Variants in BPIFB1 observed in about 807,000 individuals in gnomAD.
BPIFB1 encodes the protein BPI fold containing family B member 1, also known as BPI fold-containing family B member 1.
Under a neutral mutation model 55.1 loss-of-function variants are expected in BPIFB1, and 34 were observed. The observed-to-expected ratio is 0.62, with a 90% CI of 0.47 to 0.82. The LOEUF is 0.82. BPIFB1 is among the 40% of genes least tolerant of loss of function. The probability of loss-of-function intolerance (pLI) is 0.00; values close to 1 mark genes in which losing one functional copy is unlikely to be tolerated. For missense variants in BPIFB1, 532 were observed against 593.1 expected, an observed-to-expected ratio of 0.90 and a Z score of 1.07; for synonymous variants, 236 against 245.3, an observed-to-expected ratio of 0.96 and a Z score of 0.35.
At chr20:33,297,798 C>T in intron 7 of BPIFB1, 1 of 607,298 alleles carries the variant, frequency 1.6e-6, no homozygotes, top group Non-Finnish European at 3.0e-6. Context: ...ACTATTTGTG[C>T]AGTTGTCAGG....
intron 4 of BPIFB1, 71 bp from the exon 5 acceptor site, chr20:33,290,886 A>G: frequency 6.5e-7 from 1 of 1,544,954 alleles, no homozygotes; most frequent in Middle Eastern, 1.9e-4. Flanking sequence ...TGGAAGACAG[A>G]GACGGACGGC....
intron 6 of BPIFB1, among the ~76,000 whole-genome samples, chr20:33,295,488 C>T (rs190150286): frequency 6.6e-6 from 1 of 151,718 alleles, no homozygotes; most frequent in Non-Finnish European, 1.5e-5. Context: ...CGCCTGTAAT[C>T]CCAGTTACTC....
rs1378339322 is a variant in BPIFB1 at position 33,291,973 on chromosome 20, T to C, written c.582T>C (p.Asn194=). 2 of 1,614,098 alleles carry C rather than the reference T, an allele frequency of 1.2e-6. No homozygotes were observed. Among genetic ancestry groups the C allele is most frequent in the African/African-American group, 1.3e-5 (1 of 74,944 alleles). ...ACCTCCTAGTGCCATCCCTGCCCAA[T>C]CTAGTGAAAAACCAGGTGAGTGGAA... is the stretch of plus-strand genomic sequence containing the variant. ...VMNLLVPSLP[N]LVKNQLCPVI... is the part of the protein sequence containing the mutation. Residue 194 remains asparagine, a synonymous_variant, in exon 6 of 16, where the codon AAT becomes AAC. Coordinates refer to ENST00000253354, the MANE Select transcript of BPIFB1 (RefSeq NM_033197.3).
chr20:33,287,381 T>C (rs191959806), intron 2 of BPIFB1, among the ~76,000 whole-genome samples: 26 of 152,326 alleles, frequency 1.7e-4, no homozygotes, highest in Admixed American at 1.3e-3. Flanking sequence ...CTGCATCTAT[T>C]AGGGCCATTC....
chr20:33,309,660 C>T lies in BPIFB1; in HGVS notation c.1396-48C>T, dbSNP rs765893847. The T allele has an allele frequency of 1.3e-5, 20 of 1,586,324 alleles. No individual in the cohort carries two copies. Among genetic ancestry groups the T allele is most frequent in the Non-Finnish European group, 1.6e-5 (19 of 1,155,040 alleles). Reference sequence around the variant, plus strand: ...GACAAAACCAGCATAAACCACAAGGCAAAAGGTTAAAGAAACCTGTTTTCT... The same window carrying T: ...GACAAAACCAGCATAAACCACAAGGTAAAAGGTTAAAGAAACCTGTTTTCT... On this transcript the variant is annotated intron_variant, in intron 15 of 15. Coordinates refer to ENST00000253354, the MANE Select transcript of BPIFB1 (RefSeq NM_033197.3). This position sits in a 1 kb window ranked among gnomAD's most constrained non-coding sequence, Gnocchi z 4.4.
chr20:33,287,016 A>G (rs1315509977), intron 2 of BPIFB1, among the ~76,000 whole-genome samples: 1 of 152,242 alleles, frequency 6.6e-6, no homozygotes, highest in Non-Finnish European at 1.5e-5. Flanking sequence ...GGTCATGGCC[A>G]GAGGGGCAGG....
At chr20:33,286,991 G>T (rs939706681) in intron 2 of BPIFB1, among the ~76,000 whole-genome samples, 3 of 152,220 alleles carry the variant, frequency 2.0e-5, no homozygotes, top group Non-Finnish European at 4.4e-5. Context: ...TGCATTCAGG[G>T]GGACTAGGGG....
At chr20:33,299,309 CGG>C in intron 7 of BPIFB1, 1 of 397,676 alleles carries the variant, frequency 2.5e-6, no homozygotes, top group Non-Finnish European at 5.2e-6. Context: ...CGCCACCTGG[CGG>C]CCAAGTGGGG....
intron 5 of BPIFB1, 93 bp from the exon 6 acceptor site, chr20:33,291,814 T>G: frequency 8.3e-7 from 1 of 1,198,056 alleles, no homozygotes; most frequent in Non-Finnish European, 1.2e-6. Context: ...GGTTCCTTCC[T>G]CCCTTAGACT....
chr20:33,301,154 G>C, intron 8 of BPIFB1, 79 bp from the exon 9 acceptor site: 1 of 1,391,922 alleles, frequency 7.2e-7, no homozygotes, highest in Non-Finnish European at 9.9e-7. Context: ...AGGCTGAATG[G>C]TGTCATTTCC....
intron 9 of BPIFB1, among the ~76,000 whole-genome samples, 165 bp downstream of exon 9, chr20:33,301,577 A>C (rs1980853891): frequency 6.6e-6 from 1 of 152,130 alleles, no homozygotes; most frequent in Non-Finnish European, 1.5e-5. Flanking sequence ...CTAAACCTAA[A>C]ATCCTCCCGG....
chr20:33,288,067 T>A (rs1330837087), intron 2 of BPIFB1, among the ~76,000 whole-genome samples: 1 of 152,178 alleles, frequency 6.6e-6, no homozygotes, highest in Non-Finnish European at 1.5e-5. Flanking sequence ...ATCTGAGCCA[T>A]CCTGCCTGAG....
intron 4 of BPIFB1, 29 bp downstream of exon 4, chr20:33,290,021 G>T (rs4507167): frequency 6.5e-7 from 1 of 1,534,730 alleles, no homozygotes; most frequent in East Asian, 2.3e-5. Flanking sequence ...AAGTACAGTA[G>T]GCTTGACAGG....
chr20:33,304,178 A>T (rs988759851), intron 12 of BPIFB1, among the ~76,000 whole-genome samples, 153 bp downstream of exon 12: 2 of 152,172 alleles, frequency 1.3e-5, no homozygotes, highest in African/African-American at 4.8e-5. Flanking sequence ...GCTGACAAGG[A>T]CTGCATGTGA....
At position 33,304,158 on chromosome 20, in the gene BPIFB1, G is replaced by T. The variant is rs187841162; in HGVS notation, c.1208+133G>T. 5 of 737,186 alleles carry T rather than the reference G, an allele frequency of 6.8e-6. No homozygotes were observed. The Admixed American group carries it at 9.6e-5, about 14-fold the overall frequency. 45.7% of individuals were successfully genotyped at this position (737,186 alleles called of 1,614,324 possible). On this transcript the variant is annotated intron_variant, in intron 12 of 15. Transcript: ENST00000253354. ...CCAGGGTAGGCAGGGAGGTCCTTCC[G>T]GATGCTCCTGCTGACAAGGACTGCA...
chr20:33,297,946 TAGTG>T (rs1980708376), intron 7 of BPIFB1, among the ~76,000 whole-genome samples: 2 of 152,130 alleles, frequency 1.3e-5, no homozygotes, highest in Admixed American at 1.3e-4. Context: ...ATAGGATTGT[TAGTG>T]AGGAATAAAA....
chr20:33,289,674 C>A (rs1283113892), intron 3 of BPIFB1, among the ~76,000 whole-genome samples: 1 of 152,082 alleles, frequency 6.6e-6, no homozygotes, highest in Non-Finnish European at 1.5e-5. Context: ...AGCTGGGAGT[C>A]ACCACCTAGA....
chr20:33,287,975 T>C (rs1278875680), intron 2 of BPIFB1, among the ~76,000 whole-genome samples: 1 of 152,130 alleles, frequency 6.6e-6, no homozygotes, highest in Non-Finnish European at 1.5e-5. Context: ...CCCAGTTCCA[T>C]TACCACAGAG....
intron 11 of BPIFB1, 140 bp from the exon 12 acceptor site, chr20:33,303,818 A>C: frequency 1.3e-6 from 1 of 746,210 alleles, no homozygotes; most frequent in African/African-American, 1.8e-5. Flanking sequence ...GAGGCAGGTG[A>C]GGCCCAGAGA....
Sources: allele counts gnomAD v4.1 joint callset (sites outside exome capture counted in the v4.1 genomes callset), GRCh38; gene constraint gnomAD v4.1.1; non-coding constraint Gnocchi (gnomAD v3.1); transcripts MANE v1.5; gene names NCBI Gene and HGNC (gene_info 2026-07-23, HGNC 2026-07-21).